Variants in MAPKAPK3 observed in about 807,000 individuals in gnomAD.
The protein encoded by MAPKAPK3 is MAPK activated protein kinase 3.
MAPKAPK3 carries 35 observed loss-of-function variants against 49.2 expected under a neutral mutation model. The observed-to-expected ratio is 0.71, with a 90% CI of 0.54 to 0.94. The LOEUF is 0.94. MAPKAPK3 is among the 40% of genes least tolerant of loss of function. The pLI is 0.00. For missense variants in MAPKAPK3, 398 were observed against 493.1 expected (o/e 0.81, Z 1.83); for synonymous variants, 178 against 188.7 (o/e 0.94, Z 0.46).
chr3:50,638,252 G>A (rs760528641), intron 2 of MAPKAPK3, among the ~76,000 whole-genome samples: 2 of 151,976 alleles, frequency 1.3e-5, no homozygotes, highest in Admixed American at 6.6e-5. Context: ...GGGGGAGGAG[G>A]CAAAGAAGGA....
chr3:50,638,169 G>A (rs536513889), intron 2 of MAPKAPK3, among the ~76,000 whole-genome samples: 1 of 152,092 alleles, frequency 6.6e-6, no homozygotes, highest in Non-Finnish European at 1.5e-5. Context: ...AGGAGGGAGT[G>A]TGGGAGCCAG....
Position 50,628,743 on chromosome 3 carries a change from T to TG in MAPKAPK3, c.219+10964dup, listed in dbSNP as rs1430518476. On this transcript the variant is annotated intron_variant, in intron 2 of 10. Coordinates refer to ENST00000621469, the MANE Select transcript of MAPKAPK3 (RefSeq NM_001243925.2). ...TGCCACTTTCTCACTGTAGAACCTC[T>TG]GGGGGAGGGGAGGAGGCCATAGCTG... 3.9e-5 allele frequency among the ~76,000 whole-genome samples: 6 copies of TG among 152,234 alleles called. No individual in the cohort carries two copies. In the South Asian group the frequency reaches 8.3e-4, roughly 21 times the overall value.
intron 2 of MAPKAPK3, among the ~76,000 whole-genome samples, chr3:50,633,786 A>G (rs1170645366): frequency 6.6e-6 from 1 of 152,202 alleles, no homozygotes; most frequent in Non-Finnish European, 1.5e-5. Context: ...TTCCCATGAG[A>G]TAAGGGACAG....
chr3:50,640,960 T>G (rs1190741977), intron 3 of MAPKAPK3, among the ~76,000 whole-genome samples: 2 of 152,200 alleles, frequency 1.3e-5, no homozygotes, highest in African/African-American at 4.8e-5. Flanking sequence ...CACCCTGGGC[T>G]TCTTCCTGTA....
intron 2 of MAPKAPK3, among the ~76,000 whole-genome samples, chr3:50,623,958 C>T (rs2032672477): frequency 6.6e-6 from 1 of 152,246 alleles, no homozygotes; most frequent in Non-Finnish European, 1.5e-5. Context: ...GAACTCTGTG[C>T]CAGTGATTGG....
exon 1 of MAPKAPK3, chr3:50,611,923 G>A: frequency 2.2e-6 from 1 of 449,864 alleles, no homozygotes; most frequent in Non-Finnish European, 3.8e-6. Flanking sequence ...GAGCGGTGGG[G>A]CCCGGGCGGG....
chr3:50,642,531 C>G (rs1343714802), intron 5 of MAPKAPK3, among the ~76,000 whole-genome samples, 199 bp downstream of exon 5: 1 of 152,228 alleles, frequency 6.6e-6, no homozygotes. Flanking sequence ...CCAGGTGGGT[C>G]CCCTTGCTTC....
At chr3:50,637,605 C>G (rs1369464377) in intron 2 of MAPKAPK3, among the ~76,000 whole-genome samples, 2 of 146,856 alleles carry the variant, frequency 1.4e-5, no homozygotes, top group Non-Finnish European at 3.0e-5. Context: ...GCACTCCAGC[C>G]TGGGTGACAG....
In MAPKAPK3 at chr3:50,641,889, G is replaced by A. The variant is rs543328312; in HGVS notation, c.424+118G>A. On this transcript the variant is annotated intron_variant, in intron 4 of 10. Transcript: ENST00000621469. ...TCAGTCTTCCCATCTGAATAAGAAA[G>A]GGTGAGACTCAGTGTCCATCCCCAC... 2.2e-3 allele frequency: 2,028 copies of A among 905,204 alleles called. 10 individuals carry two copies. Among genetic ancestry groups the A allele is most frequent in the South Asian group, 3.0e-3 (221 of 73,060 alleles). 56.1% of individuals were successfully genotyped at this position (905,204 alleles called of 1,614,324 possible).
chr3:50,627,091 G>T (rs1407555521), intron 2 of MAPKAPK3, among the ~76,000 whole-genome samples: 2 of 151,408 alleles, frequency 1.3e-5, no homozygotes, highest in African/African-American at 4.9e-5. Context: ...GGCTGAGGCA[G>T]GAGAATCACT....
chr3:50,628,589 T>C (rs1468480889), intron 2 of MAPKAPK3, among the ~76,000 whole-genome samples: 2 of 152,228 alleles, frequency 1.3e-5, no homozygotes, highest in African/African-American at 4.8e-5. Flanking sequence ...TACCAGAACC[T>C]GGATCTTCTG....
chr3:50,646,816 CT>C lies in MAPKAPK3; in HGVS notation c.907del (p.Trp303GlyfsTer7). On this transcript the variant is annotated frameshift_variant, in exon 9 of 11. Coordinates refer to ENST00000621469, the MANE Select transcript of MAPKAPK3 (RefSeq NM_001243925.2). LOFTEE classifies it high-confidence loss of function. Reference protein sequence around the residue: ...LTITQFMNHPWINQSMVVPQT... With the variant: ...LTITQFMNHPXINQSMVVPQT... ...CCATCACTCAGTTCATGAACCACCC[CT>C]GGATCAACGTGAGCCCCTCCTCCTC... 6.2e-7 allele frequency: 1 copy of C among 1,614,054 alleles called. No individual in the cohort carries two copies. Among genetic ancestry groups the C allele is most frequent in the South Asian group, 1.1e-5 (1 of 91,084 alleles).
At chr3:50,617,464 G>A in intron 1 of MAPKAPK3, 50 bp from the exon 2 acceptor site, 8 of 645,758 alleles carry the variant, frequency 1.2e-5, no homozygotes, top group Non-Finnish European at 2.1e-5. Context: ...TCCAAGGCTG[G>A]GGTGTGTTGG....
intron 5 of MAPKAPK3, 115 bp from the exon 6 acceptor site, chr3:50,644,294 G>A: frequency 8.0e-7 from 1 of 1,254,850 alleles, no homozygotes; most frequent in Non-Finnish European, 1.1e-6. Context: ...TTTATAAATG[G>A]ACCTGGCTCC....
chr3:50,626,358 T>A (rs1006627293), intron 2 of MAPKAPK3, among the ~76,000 whole-genome samples: 4 of 152,056 alleles, frequency 2.6e-5, no homozygotes, highest in Admixed American at 6.5e-5. Context: ...CAGAGCTGAG[T>A]GTGAGCTGCA....
At chr3:50,611,722 G>T, upstream of MAPKAPK3, 1 of 1,425,194 alleles carries the variant, frequency 7.0e-7, no homozygotes, top group Non-Finnish European at 9.2e-7. Flanking sequence ...ACCAGTGGGC[G>T]CGGAGCGCGT....
chr3:50,647,249 G>A, intron 10 of MAPKAPK3, 46 bp downstream of exon 10: 17 of 1,518,020 alleles, frequency 1.1e-5, no homozygotes, highest in Non-Finnish European at 1.3e-5. Context: ...CAGGATTTGG[G>A]CAAAAGGGAC....
chr3:50,643,256 A>G (rs1297661267), intron 5 of MAPKAPK3, among the ~76,000 whole-genome samples: 1 of 152,182 alleles, frequency 6.6e-6, no homozygotes, highest in African/African-American at 2.4e-5. Context: ...TGGAGGAAGG[A>G]ACAGAGGTAG....
chr3:50,642,480 T>C, intron 5 of MAPKAPK3, 148 bp downstream of exon 5: 1 of 637,964 alleles, frequency 1.6e-6, no homozygotes, highest in East Asian at 2.7e-5. Context: ...ACTGCTTTTC[T>C]CAGCCTCTTC....
Sources: allele counts gnomAD v4.1 joint callset (sites outside exome capture counted in the v4.1 genomes callset), GRCh38; gene constraint gnomAD v4.1.1; transcripts MANE v1.5; gene names NCBI Gene and HGNC (gene_info 2026-07-23, HGNC 2026-07-21).